The following DYRK1B variants were observed in gnomAD, a reference collection of about 807,000 sequenced individuals.
DYRK1B encodes dual specificity tyrosine-phosphorylation-regulated kinase 1B.
In DYRK1B, 20 loss-of-function variants were observed where a neutral mutation model predicts 57.1. That is an observed-to-expected ratio of 0.35 (90% confidence interval 0.25 to 0.51). The LOEUF (loss-of-function observed/expected upper bound fraction) is 0.51. Ranked by LOEUF, DYRK1B falls within the 20% of genes least tolerant of loss-of-function variation. The probability of loss-of-function intolerance (pLI) is 0.96; values close to 1 mark genes in which losing one functional copy is unlikely to be tolerated. For synonymous variants in DYRK1B, 409 were observed against 384.7 expected, an observed-to-expected ratio of 1.06 and a Z score of -0.74; for missense variants, 732 against 886.3, an observed-to-expected ratio of 0.83 and a Z score of 2.21.
At chr19:39,827,015 C>T in intron 8 of DYRK1B, 28 bp from the exon 9 acceptor site, 2 of 1,257,036 alleles carry the variant, frequency 1.6e-6, no homozygotes, top group Non-Finnish European at 2.1e-6. Context: ...GGAGGGGGGG[C>T]AAGAGAGTGG....
At chr19:39,832,556 C>T (rs771507153) in intron 1 of DYRK1B, among the ~76,000 whole-genome samples, 131 of 152,264 alleles carry the variant, frequency 8.6e-4, no homozygotes, top group Non-Finnish European at 1.7e-3. Flanking sequence ...CAGCAGAGTC[C>T]TCTGCAGCCC....
In DYRK1B at chr19:39,825,905, C is replaced by T. The variant is rs1357315232; in HGVS notation, c.1700G>A (p.Ser567Asn). The T allele has an allele frequency of 6.4e-7, 1 of 1,569,264 alleles. No individual in the cohort carries two copies. Among genetic ancestry groups the T allele is most frequent in the Non-Finnish European group, 8.6e-7 (1 of 1,158,826 alleles). The change falls in exon 11 of 11, where the codon AGC becomes AAC. Residue 567 changes from serine (S) to asparagine (N), a missense_variant. By Grantham distance (46) the Ser-to-Asn change is conservative (BLOSUM62 1). This residue lies in a region of DYRK1B where 222 missense variants were observed against 205.0 expected (regional missense o/e 1.08). Coordinates refer to ENST00000323039, the MANE Select transcript of DYRK1B (RefSeq NM_004714.3). ...SPPPPELMDVSLVGGPADCSP... is the reference protein window; with the variant it reads ...SPPPPELMDVNLVGGPADCSP... ...GCAGTCAGCAGGGCCGCCCACCAGGCTCACATCCATCAGCTCCGGGGGTGG... is the reference window on the plus strand; with the variant it reads ...GCAGTCAGCAGGGCCGCCCACCAGGTTCACATCCATCAGCTCCGGGGGTGG...
rs1002021902 is a variant in DYRK1B, at chr19:39,826,042, C to T, written c.1563G>A (p.Val521=). 6 of 1,516,986 alleles carry T rather than the reference C, an allele frequency of 4.0e-6. No homozygotes were observed. In the African/African-American group the frequency reaches 5.6e-5, roughly 14 times the overall value. 94.0% of individuals were successfully genotyped at this position (1,516,986 alleles called of 1,614,324 possible). Residue 521 remains valine, a synonymous_variant, in exon 11 of 11, where the codon GTG becomes GTA. Coordinates refer to ENST00000323039, the MANE Select transcript of DYRK1B (RefSeq NM_004714.3). This position sits in a 1 kb window ranked among gnomAD's most constrained non-coding sequence, Gnocchi z 6.3. Reference sequence around the variant, plus strand: ...CAGGGGCTTGATGTGTCTTGTGGGGCACATCACCCCCTGCCCAGGGCCGCA... The same window carrying T: ...CAGGGGCTTGATGTGTCTTGTGGGGTACATCACCCCCTGCCCAGGGCCGCA... ...QPLRPWAGGD[V]PHKTHQAPAS... is the part of the protein sequence containing the mutation.
rs570088570 is a variant in DYRK1B at position 39,826,575 on chromosome 19, C to T, written c.1411+97G>A. The T allele has an allele frequency of 3.5e-4, 468 of 1,320,698 alleles. No individual in the cohort carries two copies. The highest frequency in any genetic ancestry group is 5.1e-4 in the African/African-American group (33 of 65,222). 81.8% of individuals were successfully genotyped at this position (1,320,698 alleles called of 1,614,324 possible). A position where few individuals can be genotyped will look rare whatever the true frequency, so the allele number is the denominator to read the frequency against. ...TCTTACAGTTCAGGATCAGTTTCGGCGCTTTGTGTGAAGACCCAGTAACCA... is the reference window on the plus strand; with the variant it reads ...TCTTACAGTTCAGGATCAGTTTCGGTGCTTTGTGTGAAGACCCAGTAACCA... On this transcript the variant is annotated intron_variant, in intron 9 of 10. Transcript: ENST00000323039. The surrounding 1 kb of genome is among the most constrained non-coding windows in gnomAD (Gnocchi z 6.3).
In DYRK1B at chr19:39,828,590, G is replaced by C. The variant is rs888076509; in HGVS notation, c.521-7C>G. 6.2e-7 allele frequency: 1 copy of C among 1,601,454 alleles called. No homozygotes were observed. On this transcript the variant is annotated splice_region_variant and splice_polypyrimidine_tract_variant and intron_variant, in intron 5 of 10. Transcript: ENST00000323039. This position sits in a 1 kb window ranked among gnomAD's most constrained non-coding sequence, Gnocchi z 4.3. ...AAGTGCCGCTTCAGGTGTACTGCGG[G>C]GGAGGGGAGGAAATGGGCCAGAGAA...
chr19:39,830,037 C>A lies in DYRK1B; in HGVS notation c.373-10G>T, dbSNP rs372853634. The A allele has an allele frequency of 6.2e-7, 1 of 1,613,414 alleles. No homozygotes were observed. The highest frequency in any genetic ancestry group is 1.3e-5 in the African/African-American group (1 of 74,956). On this transcript the variant is annotated splice_polypyrimidine_tract_variant and intron_variant, in intron 4 of 10. Coordinates refer to ENST00000323039, the MANE Select transcript of DYRK1B (RefSeq NM_004714.3). ...CATAGGCTTTCACCACCTGTTGGGGCAGGGCATGTCACGAAGAAAGGGGTG... is the reference window on the plus strand; with the variant it reads ...CATAGGCTTTCACCACCTGTTGGGGAAGGGCATGTCACGAAGAAAGGGGTG...
Position 39,825,386 on chromosome 19 carries a change from G to A in DYRK1B, c.*329C>T, listed in dbSNP as rs536254414. Reference sequence around the variant, plus strand: ...TCTTTACTGGGGGTACAGCGAGGAGGAGCAAGGCCATCTCCCCCTACCTGC... The same window carrying A: ...TCTTTACTGGGGGTACAGCGAGGAGAAGCAAGGCCATCTCCCCCTACCTGC... On this transcript the variant is annotated 3_prime_UTR_variant, in exon 11 of 11. Transcript: ENST00000323039. 4 of 310,240 alleles carry A rather than the reference G, an allele frequency of 1.3e-5. No homozygotes were observed. The highest frequency in any genetic ancestry group is 2.4e-5 in the Non-Finnish European group (4 of 165,736). The allele number at this position is 310,240 out of a possible 1,614,324, so 19.2% of individuals were successfully genotyped here. A position where few individuals can be genotyped will look rare whatever the true frequency, so the allele number is the denominator to read the frequency against.
chr19:39,828,610 AGAG>A lies in DYRK1B; in HGVS notation c.521-30_521-28del. 1.3e-6 allele frequency: 2 copies of A among 1,593,332 alleles called. No homozygotes were observed. The highest frequency in any genetic ancestry group is 1.7e-6 in the Non-Finnish European group (2 of 1,165,648). On this transcript the variant is annotated intron_variant, in intron 5 of 10. Transcript: ENST00000323039. The surrounding 1 kb of genome is among the most constrained non-coding windows in gnomAD (Gnocchi z 4.3). ...TGCGGGGGAGGGGAGGAAATGGGCC[AGAG>A]AAGAAACGGCTCAGAGAGGGCAGGT...
chr19:39,826,901 C>G lies in DYRK1B; in HGVS notation c.1182G>C (p.Pro394=), dbSNP rs989813783. The G allele has an allele frequency of 2.1e-6, 3 of 1,417,204 alleles. No homozygotes were observed. Among genetic ancestry groups the G allele is most frequent in the Admixed American group, 3.2e-5 (1 of 31,090 alleles). 87.8% of individuals were successfully genotyped at this position (1,417,204 alleles called of 1,614,324 possible). A position where few individuals can be genotyped will look rare whatever the true frequency, so the allele number is the denominator to read the frequency against. The change falls in exon 9 of 11, where the codon CCG becomes CCC. Residue 394 remains proline (P), a synonymous_variant. Transcript: ENST00000323039. This position sits in a 1 kb window ranked among gnomAD's most constrained non-coding sequence, Gnocchi z 6.3. ...GGAGGTAGTCGGCGGGGCTGTGGCC[C>G]GGCTCCCCCGCCCGCCGGCCCCCGG... The part of the protein sequence containing the change: ...GGPGGRRAGE[P]GHSPADYLRF...
In DYRK1B at chr19:39,825,972, G is replaced by C. The variant is rs762681770; in HGVS notation, c.1633C>G (p.Gln545Glu). ...LPGTGAQLPPQPRYLGRPPSP... is the reference protein window; with the variant it reads ...LPGTGAQLPPEPRYLGRPPSP... ...GGGGGACGACCAAGGTATCGGGGCT[G>C]GGGGGGTAACTGGGCCCCGGTCCCA... Residue 545 changes from glutamine to glutamate, a missense_variant, in exon 11 of 11, where the codon CAG becomes GAG. Gln to Glu is a conservative substitution (Grantham distance 29). Coordinates refer to ENST00000323039, the MANE Select transcript of DYRK1B (RefSeq NM_004714.3). The C allele has an allele frequency of 5.2e-6, 8 of 1,524,300 alleles. No individual in the cohort carries two copies. In the East Asian group the frequency reaches 9.1e-5, roughly 17 times the overall value. 94.4% of individuals were successfully genotyped at this position (1,524,300 alleles called of 1,614,324 possible).
intron 1 of DYRK1B, 93 bp from the exon 2 acceptor site, chr19:39,832,061 C>A: frequency 2.3e-6 from 3 of 1,312,932 alleles, no homozygotes; most frequent in South Asian, 1.9e-5. Flanking sequence ...AAAGACAGGG[C>A]ACAGAGAGAA....
At position 39,826,282 on chromosome 19, in the gene DYRK1B, G is replaced by A. The variant is rs768432521; in HGVS notation, c.1416C>T (p.Gly472=). The change falls in exon 10 of 11, where the codon GGC becomes GGT. Residue 472 remains glycine (G), a synonymous_variant. Coordinates refer to ENST00000323039, the MANE Select transcript of DYRK1B (RefSeq NM_004714.3). The surrounding 1 kb of genome is among the most constrained non-coding windows in gnomAD (Gnocchi z 6.3). ...STASSISSSG[G]SSGSSSDNRT... is the part of the protein sequence containing the mutation. ...GGTTGTCACTGGAGGAGCCACTGGA[G>A]CCTCCTGGAAGTGCCAGGGAGGAGA... The A allele has an allele frequency of 2.9e-5, 46 of 1,576,412 alleles. No individual in the cohort carries two copies. The highest frequency in any genetic ancestry group is 1.7e-4 in the Middle Eastern group (1 of 5,878).
Position 39,830,734 on chromosome 19 carries a change from C to G in DYRK1B, c.113G>C (p.Arg38Pro), listed in dbSNP as rs761488320. 6.2e-7 allele frequency: 1 copy of G among 1,614,084 alleles called. No homozygotes were observed. Among genetic ancestry groups the G allele is most frequent in the South Asian group, 1.1e-5 (1 of 91,054 alleles). ...ACGCAGCGGGGCTGAGGTTGCATCCCGGAAGGCCAGGGGCAGCCTCCGAGG... is the reference window on the plus strand; with the variant it reads ...ACGCAGCGGGGCTGAGGTTGCATCCGGGAAGGCCAGGGGCAGCCTCCGAGG... ...LLPRRLPLAF[R>P]DATSAPLRKL... Residue 38 changes from arginine (R) to proline (P), a missense_variant, in exon 3 of 11, where the codon CGG becomes CCG. By Grantham distance (103) the Arg-to-Pro change is moderately radical. This residue lies in a region of DYRK1B where 510 missense variants were observed against 681.3 expected (regional missense o/e 0.75). Coordinates refer to ENST00000323039, the MANE Select transcript of DYRK1B (RefSeq NM_004714.3).
At chr19:39,831,776 C>T (rs950921228) in intron 2 of DYRK1B, 29 bp downstream of exon 2, 3 of 1,549,220 alleles carry the variant, frequency 1.9e-6, no homozygotes, top group Non-Finnish European at 1.7e-6. Flanking sequence ...CCTACCACCA[C>T]GCAGGTGAGG....
At position 39,827,665 on chromosome 19, in the gene DYRK1B, A is replaced by C; in HGVS notation, c.808-9T>G. 2 of 1,610,944 alleles carry C rather than the reference A, an allele frequency of 1.2e-6. No individual in the cohort carries two copies. Among genetic ancestry groups the C allele is most frequent in the Non-Finnish European group, 1.7e-6 (2 of 1,177,598 alleles). On this transcript the variant is annotated splice_polypyrimidine_tract_variant and intron_variant, in intron 6 of 10. Transcript: ENST00000323039. ...TGGATATACTGGTAGATCTGGGAAA[A>C]GGGTAATCGTCAAGGGACCCAGCCT... is the stretch of plus-strand genomic sequence containing the variant.
Position 39,826,347 on chromosome 19 carries a change from T to G in DYRK1B, c.1412-61A>C. The G allele has an allele frequency of 7.2e-7, 1 of 1,387,706 alleles. No individual in the cohort carries two copies. Among genetic ancestry groups the G allele is most frequent in the Non-Finnish European group, 9.7e-7 (1 of 1,026,542 alleles). The allele number at this position is 1,387,706 out of a possible 1,614,324, so 86.0% of individuals were successfully genotyped here. ...AGGTGAGAGAAGGTGGCGAGTGGGTTTTGGGATGGCTGAGGGAAGGTCACG... is the reference window on the plus strand; with the variant it reads ...AGGTGAGAGAAGGTGGCGAGTGGGTGTTGGGATGGCTGAGGGAAGGTCACG... On this transcript the variant is annotated intron_variant, in intron 9 of 10. Coordinates refer to ENST00000323039, the MANE Select transcript of DYRK1B (RefSeq NM_004714.3). This position sits in a 1 kb window ranked among gnomAD's most constrained non-coding sequence, Gnocchi z 6.3.
intron 4 of DYRK1B, 45 bp from the exon 5 acceptor site, chr19:39,830,072 C>T: frequency 6.2e-7 from 1 of 1,600,412 alleles, no homozygotes; most frequent in East Asian, 2.2e-5. Context: ...GGGAGCAGGG[C>T]AGAGCCAGGC....
chr19:39,828,213 A>C lies in DYRK1B; in HGVS notation c.807+84T>G, dbSNP rs534218699. 5.4e-6 allele frequency: 8 copies of C among 1,474,798 alleles called. No individual in the cohort carries two copies. In the African/African-American group the frequency reaches 9.7e-5, roughly 18 times the overall value. 91.4% of individuals were successfully genotyped at this position (1,474,798 alleles called of 1,614,324 possible). A position where few individuals can be genotyped will look rare whatever the true frequency, so the allele number is the denominator to read the frequency against. On this transcript the variant is annotated intron_variant, in intron 6 of 10. Coordinates refer to ENST00000323039, the MANE Select transcript of DYRK1B (RefSeq NM_004714.3). This position sits in a 1 kb window ranked among gnomAD's most constrained non-coding sequence, Gnocchi z 4.3. The stretch of plus-strand genomic sequence containing the variant: ...CCACGGCTCCTAATAATCCCATCCC[A>C]GCCAAGCCCCGCCCCTAAGCCTCCC...
In DYRK1B at chr19:39,830,931, TGA is replaced by T. The variant is rs970966848; in HGVS notation, c.64-150_64-149del. 4 of 944,174 alleles carry T rather than the reference TGA, an allele frequency of 4.2e-6. No homozygotes were observed. In the Admixed American group the frequency reaches 1.2e-4, roughly 27 times the overall value. 58.5% of individuals were successfully genotyped at this position (944,174 alleles called of 1,614,324 possible). On this transcript the variant is annotated intron_variant, in intron 2 of 10. Coordinates refer to ENST00000323039, the MANE Select transcript of DYRK1B (RefSeq NM_004714.3). Reference sequence around the variant, plus strand: ...TCTAGGAAAGAAACTCCCCCAGGGCTGAGACTTTCTCTTGTTCTTACTATACC... The same window carrying T: ...TCTAGGAAAGAAACTCCCCCAGGGCTGACTTTCTCTTGTTCTTACTATACC...
Sources: allele counts gnomAD v4.1 joint callset (sites outside exome capture counted in the v4.1 genomes callset), GRCh38; gene constraint gnomAD v4.1.1; regional missense constraint gnomAD v4.1.1; non-coding constraint Gnocchi (gnomAD v3.1); transcripts MANE v1.5; gene names NCBI Gene and HGNC (gene_info 2026-07-23, HGNC 2026-07-21).